Variants in SLC16A9 observed in about 807,000 individuals in gnomAD.
The protein encoded by SLC16A9 is solute carrier family 16 member 9.
Under a neutral mutation model 44.3 loss-of-function variants are expected in SLC16A9, and 26 were observed. That is an observed-to-expected ratio of 0.59 (90% CI 0.43 to 0.81). The LOEUF is 0.81. Among genes scored for constraint, SLC16A9 ranks in the 40% least tolerant of loss-of-function variants. SLC16A9 has a pLI of 0.00. For synonymous variants in SLC16A9, 230 were observed against 225.1 expected, an observed-to-expected ratio of 1.02 and a Z score of -0.19; for missense variants, 559 against 595.8, an observed-to-expected ratio of 0.94 and a Z score of 0.64.
intron 4 of SLC16A9, among the ~76,000 whole-genome samples, chr10:59,658,979 C>G (rs1176493156): frequency 6.6e-6 from 1 of 152,118 alleles, no homozygotes; most frequent in Non-Finnish European, 1.5e-5. Context: ...ACCCACCTAC[C>G]AGCAAGAAGC....
intron 4 of SLC16A9, among the ~76,000 whole-genome samples, chr10:59,657,724 C>T (rs1477543795): frequency 6.6e-6 from 1 of 152,194 alleles, no homozygotes; most frequent in Non-Finnish European, 1.5e-5. Context: ...ATTATAACTG[C>T]TAACACTTGA....
chr10:59,667,893 G>C (rs1237052497), intron 3 of SLC16A9, among the ~76,000 whole-genome samples: 2 of 152,104 alleles, frequency 1.3e-5, no homozygotes, highest in South Asian at 4.1e-4. Flanking sequence ...TTTACATGTT[G>C]TAACATTTCT....
chr10:59,654,345 A>G lies in SLC16A9; in HGVS notation c.681T>C (p.Ile227=). The G allele has an allele frequency of 6.2e-7, 1 of 1,614,038 alleles. No individual in the cohort carries two copies. ...KGKNLEENIN[I]LDKSYSSEEK... is the part of the protein sequence containing the mutation. ...CCTCACTACTGTAGCTCTTGTCAAG[A>G]ATGTTTATGTTTTCTTCCAGATTCT... is the stretch of plus-strand genomic sequence containing the variant. The change falls in exon 5 of 6, where the codon ATT becomes ATC. Residue 227 remains isoleucine (I), a synonymous_variant. Coordinates refer to ENST00000395348, the MANE Select transcript of SLC16A9 (RefSeq NM_194298.3).
In SLC16A9 at chr10:59,666,888, A is replaced by C. The variant is rs939013683; in HGVS notation, c.341-2566T>G. ...TTTTCCAGCAAAAAAAAAAAAAAAA[A>C]ACACACAGAATTTTGGAAAACTTGT... On this transcript the variant is annotated intron_variant, in intron 3 of 5. Coordinates refer to ENST00000395348, the MANE Select transcript of SLC16A9 (RefSeq NM_194298.3). 3.2e-3 allele frequency among the ~76,000 whole-genome samples: 483 copies of C among 151,318 alleles called. 1 individual carries two copies. Among genetic ancestry groups the C allele is most frequent in the Non-Finnish European group, 5.5e-3 (375 of 67,848 alleles).
chr10:59,673,772 A>G (rs1839801564), intron 2 of SLC16A9, among the ~76,000 whole-genome samples: 1 of 152,232 alleles, frequency 6.6e-6, no homozygotes, highest in Non-Finnish European at 1.5e-5. Context: ...AGAAGTTTCA[A>G]TTCTATGTGG....
At chr10:59,674,021 G>A (rs1839807072) in intron 2 of SLC16A9, among the ~76,000 whole-genome samples, 1 of 152,180 alleles carries the variant, frequency 6.6e-6, no homozygotes, top group Non-Finnish European at 1.5e-5. Flanking sequence ...TTTAGTAGGG[G>A]CTGGGGAGTT....
rs567478513 is a variant in SLC16A9 at position 59,692,862 on chromosome 10, G to A, written c.-36-8535C>T. Among the ~76,000 whole-genome samples the A allele has an allele frequency of 3.9e-4, 59 of 152,282 alleles. 1 individual carries two copies. Among genetic ancestry groups the A allele is most frequent in the African/African-American group, 1.4e-3 (59 of 41,574 alleles). On this transcript the variant is annotated intron_variant, in intron 1 of 5. Coordinates refer to ENST00000395348, the MANE Select transcript of SLC16A9 (RefSeq NM_194298.3). ...TAGGTAAACAAGTCATTCTTTGGGT[G>A]TTTTCATGAAATGTAAGCAAAAATG...
At chr10:59,661,983 C>T (rs564452049) in intron 4 of SLC16A9, among the ~76,000 whole-genome samples, 12 of 152,110 alleles carry the variant, frequency 7.9e-5, no homozygotes, top group South Asian at 2.1e-4. Context: ...TAAAAATTAA[C>T]GCAAGATGGA....
At chr10:59,700,441 T>C (rs1250429103) in intron 1 of SLC16A9, among the ~76,000 whole-genome samples, 4 of 152,154 alleles carry the variant, frequency 2.6e-5, no homozygotes, top group African/African-American at 9.7e-5. Context: ...GATCTCCCTT[T>C]CAAAACCAGT....
At position 59,684,339 on chromosome 10, in the gene SLC16A9, C is replaced by A; in HGVS notation, c.-36-12G>T. Reference sequence around the variant, plus strand: ...TTTCTCTGCAGGTCCTAAACAAAAACAAACAGAAAAGAGAATCTTATTTAG... The same window carrying A: ...TTTCTCTGCAGGTCCTAAACAAAAAAAAACAGAAAAGAGAATCTTATTTAG... On this transcript the variant is annotated splice_polypyrimidine_tract_variant and intron_variant, in intron 1 of 5. Coordinates refer to ENST00000395348, the MANE Select transcript of SLC16A9 (RefSeq NM_194298.3). 1 of 1,501,594 alleles carries A rather than the reference C, an allele frequency of 6.7e-7. No homozygotes were observed. Among genetic ancestry groups the A allele is most frequent in the Non-Finnish European group, 9.1e-7 (1 of 1,098,522 alleles). 93.0% of individuals were successfully genotyped at this position (1,501,594 alleles called of 1,614,324 possible).
rs1206669921 is a variant in SLC16A9 at position 59,652,932 on chromosome 10, G to A, written c.1370C>T (p.Thr457Ile). The change falls in exon 6 of 6, where the codon ACC becomes ATC. Residue 457 changes from threonine to isoleucine, a missense_variant. Coordinates refer to ENST00000395348, the MANE Select transcript of SLC16A9 (RefSeq NM_194298.3). ...ATAAAATGCAATATCATAGGTCTGG[G>A]TCCAGTCATAAAACCAACCTGAAAA... The part of the protein sequence containing the change: ...PPIVGWFYDW[T>I]QTYDIAFYFS... The A allele has an allele frequency of 1.2e-6, 2 of 1,605,184 alleles. No individual in the cohort carries two copies. Among genetic ancestry groups the A allele is most frequent in the Non-Finnish European group, 8.5e-7 (1 of 1,177,612 alleles).
intron 1 of SLC16A9, among the ~76,000 whole-genome samples, chr10:59,685,113 GTC>G (rs1485024566): frequency 6.6e-6 from 1 of 152,116 alleles, no homozygotes; most frequent in Non-Finnish European, 1.5e-5. Flanking sequence ...TATTTTCAAT[GTC>G]TCTCTTTTTC....
intron 1 of SLC16A9, among the ~76,000 whole-genome samples, chr10:59,686,266 T>C (rs1240313633): frequency 6.6e-6 from 1 of 152,242 alleles, no homozygotes; most frequent in African/African-American, 2.4e-5. Context: ...TTTTCTGTCT[T>C]TATAATTACA....
chr10:59,652,842 T>A lies in SLC16A9; in HGVS notation c.1460A>T (p.Asp487Val). 6.2e-7 allele frequency: 1 copy of A among 1,613,944 alleles called. No homozygotes were observed. Among genetic ancestry groups the A allele is most frequent in the Non-Finnish European group, 8.5e-7 (1 of 1,179,936 alleles). Residue 487 changes from aspartate to valine, a missense_variant, in exon 6 of 6, where the codon GAT (aspartate) becomes GTT (valine). Coordinates refer to ENST00000395348, the MANE Select transcript of SLC16A9 (RefSeq NM_194298.3). ...ILLLAALPSW[D>V]TCNKQLPKPA... ...CTTGGGGAGTTGCTTGTTGCATGTATCCCAAGAGGGCAAGGCTGCCAGCAG... is the reference window on the plus strand; with the variant it reads ...CTTGGGGAGTTGCTTGTTGCATGTAACCCAAGAGGGCAAGGCTGCCAGCAG...
At chr10:59,656,496 C>G (rs1030391885) in intron 4 of SLC16A9, among the ~76,000 whole-genome samples, 18 of 152,284 alleles carry the variant, frequency 1.2e-4, no homozygotes, top group African/African-American at 4.1e-4. Flanking sequence ...CATAAGATAG[C>G]AGAGAATGGG....
At chr10:59,653,090 G>A (rs1023867314) in intron 5 of SLC16A9, 140 bp from the exon 6 acceptor site, 1 of 582,782 alleles carries the variant, frequency 1.7e-6, no homozygotes, top group Non-Finnish European at 2.7e-6. Flanking sequence ...TTTACTGGGA[G>A]TTAGAAGAAG....
At chr10:59,701,466 A>C (rs546838944) in intron 1 of SLC16A9, among the ~76,000 whole-genome samples, 11 of 152,198 alleles carry the variant, frequency 7.2e-5, no homozygotes, top group Non-Finnish European at 1.3e-4. Context: ...AGCAGAGCAC[A>C]AGGTTTTATT....
At chr10:59,706,943 C>T (rs1439093880) in intron 1 of SLC16A9, among the ~76,000 whole-genome samples, 1 of 145,064 alleles carries the variant, frequency 6.9e-6, no homozygotes, top group Non-Finnish European at 1.5e-5. Context: ...CACTGCACTC[C>T]AGCCTGGGTG....
At chr10:59,657,581 T>G (rs987314546) in intron 4 of SLC16A9, among the ~76,000 whole-genome samples, 4 of 152,176 alleles carry the variant, frequency 2.6e-5, no homozygotes, top group Non-Finnish European at 4.4e-5. Flanking sequence ...CATTTTTTAT[T>G]TAGTGTGCTA....
Sources: gnomAD v4.1 joint callset for allele counts (sites outside exome capture counted in the v4.1 genomes callset) on GRCh38, gnomAD v4.1.1 for gene constraint, MANE v1.5 for transcripts, NCBI Gene and HGNC (gene_info 2026-07-23, HGNC 2026-07-21) for gene names.